CHST7: variants seen among roughly 807,000 people sequenced by gnomAD.
CHST7 encodes the protein N-acetylglucosamine 6-O-sulfotransferase 4.
In CHST7, 5 loss-of-function variants were observed where a neutral mutation model predicts 9.0. The ratio of observed to expected loss-of-function variants is 0.56; its 90% CI spans 0.29 to 1.17. The LOEUF (loss-of-function observed/expected upper bound fraction) is 1.17. Among genes scored for constraint, CHST7 ranks in the 50% most tolerant of loss-of-function variants. The probability of loss-of-function intolerance (pLI) is 0.08; values close to 1 mark genes in which losing one functional copy is unlikely to be tolerated. For synonymous variants in CHST7, 244 were observed against 237.1 expected, an observed-to-expected ratio of 1.03 and a Z score of -0.27; for missense variants, 377 against 485.1, an observed-to-expected ratio of 0.78 and a Z score of 2.09.
chrX:46,594,628 C>T (rs756708819), intron 1 of CHST7, among the ~76,000 whole-genome samples: 1 of 111,691 alleles, frequency 9.0e-6, no homozygotes, highest in African/African-American at 3.2e-5. Flanking sequence ...GATACAAAAT[C>T]CGTTGGCATT....
At chrX:46,581,376 T>TTTAGTA (rs1569491400) in intron 1 of CHST7, among the ~76,000 whole-genome samples, 6 of 106,549 alleles carry the variant, frequency 5.6e-5, no homozygotes, top group Non-Finnish European at 1.2e-4. Flanking sequence ...ACCAACATGG[T>TTTAGTA]GAAACCCTGT....
rs192014436 is a variant in CHST7 at position 46,582,375 on chromosome X, C to T, written c.*31+6952C>T. On this transcript the variant is annotated intron_variant, in intron 1 of 1. Coordinates refer to ENST00000276055, the MANE Select transcript of CHST7 (RefSeq NM_019886.4). ...CAAAGTCGTCCAACATTCACTACCA[C>T]CAGCAATTTCTTGGAACGTCTGTTT... Among the ~76,000 whole-genome samples the T allele has an allele frequency of 5.8e-4, 65 of 112,212 alleles. No homozygotes were observed. In the East Asian group the frequency reaches 0.018, roughly 31 times the overall value.
Position 46,573,860 on chromosome X carries a change from C to T in CHST7, c.-72C>T. ...GAGGGGCCGGGAGAGGCCACAGGAG[C>T]GGACCTGGCACGGGATTTCTGAGGA... On this transcript the variant is annotated 5_prime_UTR_variant, in exon 1 of 2. Transcript: ENST00000276055. The T allele has an allele frequency of 2.6e-6, 3 of 1,145,598 alleles. No homozygotes were observed. Among genetic ancestry groups the T allele is most frequent in the Middle Eastern group, 3.3e-4 (1 of 2,990 alleles). The allele number at this position is 1,145,598 out of a possible 1,213,427, so 94.4% of individuals were successfully genotyped here.
intron 1 of CHST7, among the ~76,000 whole-genome samples, chrX:46,576,632 G>T (rs1942500781): frequency 9.0e-6 from 1 of 111,311 alleles, no homozygotes; most frequent in South Asian, 3.8e-4. Context: ...TTGGAAGGGT[G>T]CCGCCTTCTG....
At chrX:46,581,280 A>G (rs1396489596) in intron 1 of CHST7, among the ~76,000 whole-genome samples, 1 of 104,293 alleles carries the variant, frequency 9.6e-6, no homozygotes, top group Non-Finnish European at 2.0e-5. Context: ...AATAAGGGCC[A>G]GGTGCAGTGG....
At chrX:46,581,663 T>G (rs2146638404) in intron 1 of CHST7, among the ~76,000 whole-genome samples, 2 of 105,119 alleles carry the variant, frequency 1.9e-5, no homozygotes, top group East Asian at 6.0e-4. Context: ...TGGCACGATC[T>G]CGGCTCACCT....
chrX:46,574,923 T>A lies in CHST7; in HGVS notation c.992T>A (p.Leu331Gln). The part of the protein sequence containing the change: ...GARPGGQSRA[L>Q]PAAPRADFFL... Reference sequence around the variant, plus strand: ...CGCCCCGGGGGCCAGTCTCGCGCGCTGCCCGCCGCGCCGCGCGCCGATTTC... The same window carrying A: ...CGCCCCGGGGGCCAGTCTCGCGCGCAGCCCGCCGCGCCGCGCGCCGATTTC... The change falls in exon 1 of 2, where the codon CTG (leucine) becomes CAG (glutamine). Residue 331 changes from leucine (L) to glutamine (Q), a missense_variant. Around this residue, in one of 3 missense-constraint regions of CHST7, gnomAD observed 239 missense variants for 325.7 expected, o/e 0.73. Coordinates refer to ENST00000276055, the MANE Select transcript of CHST7 (RefSeq NM_019886.4). 2 of 1,144,852 alleles carry A rather than the reference T, an allele frequency of 1.7e-6. No homozygotes were observed. The highest frequency in any genetic ancestry group is 4.0e-5 in the South Asian group (2 of 50,217). 94.3% of individuals were successfully genotyped at this position (1,144,852 alleles called of 1,213,427 possible).
At chrX:46,595,754 TA>T (rs766007654) in intron 1 of CHST7, among the ~76,000 whole-genome samples, 224 of 111,640 alleles carry the variant, frequency 2.0e-3, no homozygotes, top group African/African-American at 7.0e-3. Flanking sequence ...TTCAGACTCT[TA>T]TCTTTGTTTT....
chrX:46,574,191 G>C lies in CHST7; in HGVS notation c.260G>C (p.Ser87Thr). Reference protein sequence around the residue: ...GGANQSPRFPSNLSGAVGEAV... With the variant: ...GGANQSPRFPTNLSGAVGEAV... ...GCGAACCAGTCTCCTCGGTTCCCAA[G>C]CAACCTCAGCGGCGCTGTCGGGGAG... The change falls in exon 1 of 2, where the codon AGC becomes ACC. Residue 87 changes from serine (S) to threonine (T), a missense_variant. Coordinates refer to ENST00000276055, the MANE Select transcript of CHST7 (RefSeq NM_019886.4). 2 of 1,198,738 alleles carry C rather than the reference G, an allele frequency of 1.7e-6. No homozygotes were observed. The highest frequency in any genetic ancestry group is 2.3e-6 in the Non-Finnish European group (2 of 887,874).
At chrX:46,586,984 C>T (rs764789069) in intron 1 of CHST7, among the ~76,000 whole-genome samples, 110 of 111,109 alleles carry the variant, frequency 9.9e-4, no homozygotes, top group African/African-American at 2.0e-3. Flanking sequence ...ATCCACCCGC[C>T]TCGGCCTCCC....
chrX:46,575,968 TC>T lies in CHST7; in HGVS notation c.*31+546del, dbSNP rs1436928665. Among the ~76,000 whole-genome samples the T allele has an allele frequency of 7.1e-4, 79 of 111,490 alleles. 1 individual carries two copies. The highest frequency in any genetic ancestry group is 2.4e-3 in the African/African-American group (74 of 30,616). On this transcript the variant is annotated intron_variant, in intron 1 of 1. Transcript: ENST00000276055. ...ATCCCTAATCTTTCTGTTTCATGTT[TC>T]TTCTCTGTCTGTTTTATGCGCAGGC...
chrX:46,581,318 T>C (rs1275562130), intron 1 of CHST7, among the ~76,000 whole-genome samples: 1 of 104,328 alleles, frequency 9.6e-6, no homozygotes, highest in Non-Finnish European at 2.0e-5. Flanking sequence ...AGCACTTTGG[T>C]AGGCCGAGGC....
chrX:46,581,191 C>T (rs1942522687), intron 1 of CHST7, among the ~76,000 whole-genome samples: 1 of 104,130 alleles, frequency 9.6e-6, no homozygotes, highest in East Asian at 3.0e-4. Context: ...GCTGAGATTG[C>T]ACCATTGCAC....
chrX:46,574,721 T>C lies in CHST7; in HGVS notation c.790T>C (p.Leu264=), dbSNP rs751134611. Residue 264 remains leucine (L), a synonymous_variant, in exon 1 of 2, where the codon TTG becomes CTG. Transcript: ENST00000276055. ...LLDLGVLVPL[L]RDPGLNLKVV... is the part of the protein sequence containing the mutation. ...CGATCTGGGCGTGCTGGTGCCCCTG[T>C]TGCGTGATCCAGGCCTCAACCTGAA... 6 of 1,208,529 alleles carry C rather than the reference T, an allele frequency of 5.0e-6. No individual in the cohort carries two copies. In the South Asian group the frequency reaches 7.1e-5, roughly 14 times the overall value.
chrX:46,583,356 G>T (rs1269496741), intron 1 of CHST7, among the ~76,000 whole-genome samples: 2 of 112,194 alleles, frequency 1.8e-5, no homozygotes, highest in Admixed American at 1.9e-4. Flanking sequence ...CAGGCAAGTG[G>T]GAACTGTTTG....
intron 1 of CHST7, among the ~76,000 whole-genome samples, chrX:46,595,099 G>A (rs1296589308): frequency 3.6e-5 from 4 of 112,163 alleles, no homozygotes; most frequent in Non-Finnish European, 5.6e-5. Flanking sequence ...CTATTTGGTT[G>A]CTTTTTAAAA....
chrX:46,575,116 A>T lies in CHST7; in HGVS notation c.1185A>T (p.Leu395=). 3 of 1,106,161 alleles carry T rather than the reference A, an allele frequency of 2.7e-6. No individual in the cohort carries two copies. The highest frequency in any genetic ancestry group is 6.7e-5 in the Admixed American group (2 of 29,906). The allele number at this position is 1,106,161 out of a possible 1,213,427, so 91.2% of individuals were successfully genotyped here. Residue 395 remains leucine, a synonymous_variant, in exon 1 of 2, where the codon CTA becomes CTT. Transcript: ENST00000276055. ...QLRRLLRFSG[L]RALAALDAFA... ...GCCGCCTGCTGCGCTTCTCCGGGCT[A>T]CGCGCGCTCGCAGCGCTCGATGCCT...
chrX:46,579,457 C>T (rs908730454), intron 1 of CHST7, among the ~76,000 whole-genome samples: 3 of 111,715 alleles, frequency 2.7e-5, no homozygotes, highest in African/African-American at 9.8e-5. Context: ...AGTTTCATCC[C>T]GCTAGGCATT....
In CHST7 at chrX:46,573,868, G is replaced by A; in HGVS notation, c.-64G>A. The stretch of plus-strand genomic sequence containing the variant: ...GGGAGAGGCCACAGGAGCGGACCTG[G>A]CACGGGATTTCTGAGGAACGGGAGA... On this transcript the variant is annotated 5_prime_UTR_variant, in exon 1 of 2. The change creates a premature stop within an existing upstream ORF in the 5' untranslated region. Transcript: ENST00000276055. The A allele has an allele frequency of 1.7e-6, 2 of 1,150,121 alleles. No individual in the cohort carries two copies. The highest frequency in any genetic ancestry group is 1.1e-6 in the Non-Finnish European group (1 of 870,310). The allele number at this position is 1,150,121 out of a possible 1,213,427, so 94.8% of individuals were successfully genotyped here. A position where few individuals can be genotyped will look rare whatever the true frequency, so the allele number is the denominator to read the frequency against.
Sources: allele counts gnomAD v4.1 joint callset (sites outside exome capture counted in the v4.1 genomes callset), GRCh38; gene constraint gnomAD v4.1.1; regional missense constraint gnomAD v4.1.1; transcripts MANE v1.5; gene names NCBI Gene and HGNC (gene_info 2026-07-23, HGNC 2026-07-21).